CERT1: variants seen among roughly 807,000 people sequenced by gnomAD.
CERT1 encodes ceramide transfer protein.
CERT1 carries 31 observed loss-of-function variants against 87.9 expected under a neutral mutation model. That is an observed-to-expected ratio of 0.35 (90% CI 0.27 to 0.48). The LOEUF is 0.48. Among genes scored for constraint, CERT1 ranks in the 20% least tolerant of loss-of-function variants. CERT1 has a pLI of 0.99. For synonymous variants in CERT1, 289 were observed against 250.9 expected, an observed-to-expected ratio of 1.15 and a Z score of -1.44; for missense variants, 487 against 758.0, an observed-to-expected ratio of 0.64 and a Z score of 4.20.
At chr5:75,472,222 C>T (rs971644487) in intron 2 of CERT1, among the ~76,000 whole-genome samples, 2 of 152,196 alleles carry the variant, frequency 1.3e-5, no homozygotes, top group South Asian at 2.1e-4. Flanking sequence ...TGGATATCCA[C>T]ATGCAGAAGA....
intron 2 of CERT1, among the ~76,000 whole-genome samples, chr5:75,475,877 G>A (rs1267131141): frequency 6.6e-6 from 1 of 151,962 alleles, no homozygotes; most frequent in Non-Finnish European, 1.5e-5. Context: ...GAATGTGGGG[G>A]TAATAATAAA....
rs1398086550 is a variant in CERT1, at chr5:75,400,289, A to C, written c.1026T>G (p.Ser342Arg). 6.2e-7 allele frequency: 1 copy of C among 1,610,184 alleles called. No individual in the cohort carries two copies. Among genetic ancestry groups the C allele is most frequent in the Non-Finnish European group, 8.5e-7 (1 of 1,176,960 alleles). The change falls in exon 10 of 17, where the codon AGT (serine) becomes AGG (arginine). Residue 342 changes from serine (S) to arginine (R), a missense_variant. By Grantham distance (110) the Ser-to-Arg change is moderately radical. Around this residue, in one of 8 missense-constraint regions of CERT1, gnomAD observed 91 missense variants for 86.7 expected, o/e 1.05. Coordinates refer to ENST00000643780, the MANE Select transcript of CERT1 (RefSeq NM_001379029.1). The stretch of plus-strand genomic sequence containing the variant: ...TAGGCCAATGTAATCTCACCTTTTC[A>C]CTCTGTGACTAAAAAAACATATAAT... ...RQDKIEEQSQ[S>R]EKVRLHWPTS...
intron 5 of CERT1, 94 bp from the exon 6 acceptor site, chr5:75,419,518 G>GA: frequency 2.5e-6 from 2 of 815,792 alleles, no homozygotes; most frequent in Non-Finnish European, 4.0e-6. Flanking sequence ...TCTGGATTCT[G>GA]ATTCTGAGTA....
chr5:75,458,315 A>T (rs1765086116), intron 3 of CERT1, among the ~76,000 whole-genome samples: 1 of 152,172 alleles, frequency 6.6e-6, no homozygotes, highest in South Asian at 2.1e-4. Context: ...ATAGCCTCAC[A>T]TTTACAAAGA....
At chr5:75,453,035 G>C (rs1161237200) in intron 3 of CERT1, among the ~76,000 whole-genome samples, 1 of 152,094 alleles carries the variant, frequency 6.6e-6, no homozygotes, top group East Asian at 1.9e-4. Flanking sequence ...TTTTTCTGCA[G>C]GGGCTGCTGT....
At chr5:75,505,790 C>T in intron 2 of CERT1, 192 bp downstream of exon 2, 1 of 404,574 alleles carries the variant, frequency 2.5e-6, no homozygotes. Context: ...AACTACATGT[C>T]TATGCAAAAT....
intron 2 of CERT1, among the ~76,000 whole-genome samples, chr5:75,497,928 A>T (rs1014324278): frequency 6.6e-5 from 10 of 152,154 alleles, no homozygotes; most frequent in Non-Finnish European, 1.3e-4. Flanking sequence ...AAAATGTGGG[A>T]AAGTTTGGAA....
chr5:75,392,283 C>T (rs1257320862), intron 11 of CERT1, among the ~76,000 whole-genome samples: 2 of 152,146 alleles, frequency 1.3e-5, no homozygotes, highest in South Asian at 2.1e-4. Context: ...TGTATAAAAA[C>T]GTTTTAAAAA....
At chr5:75,465,885 T>C (rs1443014680) in intron 2 of CERT1, among the ~76,000 whole-genome samples, 1 of 152,156 alleles carries the variant, frequency 6.6e-6, no homozygotes, top group Non-Finnish European at 1.5e-5. Flanking sequence ...AACATTCTGA[T>C]AGTTTAGGCC....
chr5:75,385,771 G>T, intron 13 of CERT1, 131 bp downstream of exon 13: 3 of 589,462 alleles, frequency 5.1e-6, no homozygotes, highest in Non-Finnish European at 7.6e-6. Context: ...TGTATTGCTA[G>T]TCCTCTATAT....
chr5:75,503,920 T>TAA (rs1767530373), intron 2 of CERT1, among the ~76,000 whole-genome samples: 1 of 430 alleles, frequency 2.3e-3, no homozygotes, highest in African/African-American at 0.01. Flanking sequence ...AATTTAAAAT[T>TAA]TTCTTTTCTC....
At position 75,381,086 on chromosome 5, in the gene CERT1, G is replaced by A. The variant is rs2111990876; in HGVS notation, c.1733C>T (p.Thr578Ile). 6.2e-7 allele frequency: 1 copy of A among 1,614,066 alleles called. No individual in the cohort carries two copies. The highest frequency in any genetic ancestry group is 1.7e-4 in the Middle Eastern group (1 of 6,060). ...ISRDNILCKI[T>I]YVANVNPGGW... ...AAAATACATACCATTAGCTACATAT[G>A]TAATCTTGCATAGAATGTTGTCCCT... Residue 578 changes from threonine (T) to isoleucine (I), a missense_variant, in exon 16 of 17, where the codon ACA becomes ATA. By Grantham distance (89) the Thr-to-Ile change is moderately conservative. This residue lies in a region of CERT1 where 33 missense variants were observed against 64.4 expected (regional missense o/e 0.51). Transcript: ENST00000643780.
intron 3 of CERT1, among the ~76,000 whole-genome samples, chr5:75,452,087 A>T (rs1561273079): frequency 6.6e-6 from 1 of 152,184 alleles, no homozygotes; most frequent in East Asian, 1.9e-4. Context: ...TCAGGTTGAG[A>T]ATAAACCTTT....
intron 2 of CERT1, among the ~76,000 whole-genome samples, chr5:75,483,507 A>C (rs1766352865): frequency 6.6e-6 from 1 of 152,200 alleles, no homozygotes; most frequent in Non-Finnish European, 1.5e-5. Flanking sequence ...CACAGAGATC[A>C]ATATGAACAT....
chr5:75,437,747 C>T (rs1764154659), intron 3 of CERT1, among the ~76,000 whole-genome samples: 1 of 131,944 alleles, frequency 7.6e-6, no homozygotes, highest in Non-Finnish European at 1.6e-5. Context: ...GCCTGGGCAA[C>T]AGAGTGAGAC....
intron 6 of CERT1, among the ~76,000 whole-genome samples, chr5:75,418,014 G>C (rs903610474): frequency 6.6e-6 from 1 of 152,196 alleles, no homozygotes; most frequent in Non-Finnish European, 1.5e-5. Context: ...AAATTAGCTG[G>C]GTGTGGTGGC....
At chr5:75,415,597 T>C (rs1350915907) in intron 7 of CERT1, among the ~76,000 whole-genome samples, 20 of 152,150 alleles carry the variant, frequency 1.3e-4, no homozygotes, top group Admixed American at 1.3e-3. Flanking sequence ...TTAGGCAATG[T>C]GGTTAGAGTA....
In CERT1 at chr5:75,443,766, G is replaced by A. The variant is rs181337673; in HGVS notation, c.348+15299C>T. Among the ~76,000 whole-genome samples the A allele has an allele frequency of 2.0e-5, 3 of 152,204 alleles. No homozygotes were observed. In the East Asian group the frequency reaches 5.8e-4, roughly 29 times the overall value. On this transcript the variant is annotated intron_variant, in intron 3 of 16. Coordinates refer to ENST00000643780, the MANE Select transcript of CERT1 (RefSeq NM_001379029.1). ...TGAAAAAGGGCATTGAATTATTATTGTAGAACTGTCTATTTCTCCTTTCAA... is the reference window on the plus strand; with the variant it reads ...TGAAAAAGGGCATTGAATTATTATTATAGAACTGTCTATTTCTCCTTTCAA...
intron 6 of CERT1, 131 bp downstream of exon 6, chr5:75,419,210 G>T: frequency 1.8e-6 from 1 of 558,866 alleles, no homozygotes; most frequent in Admixed American, 3.5e-5. Context: ...TGCCTTGGAA[G>T]ATATTTTCAC....
Sources: allele counts gnomAD v4.1 joint callset (sites outside exome capture counted in the v4.1 genomes callset), GRCh38; gene constraint gnomAD v4.1.1; regional missense constraint gnomAD v4.1.1; transcripts MANE v1.5; gene names NCBI Gene and HGNC (gene_info 2026-07-23, HGNC 2026-07-21).